ANO1: variants seen among roughly 807,000 people sequenced by gnomAD.
ANO1 encodes the protein anoctamin-1.
In ANO1, 59 loss-of-function variants were observed where a neutral mutation model predicts 124.0. That is an observed-to-expected ratio of 0.48 (90% CI 0.39 to 0.59). ANO1 has a LOEUF of 0.59. ANO1 is among the 20% of genes least tolerant of loss of function. The probability of loss-of-function intolerance (pLI) is 0.00; values close to 1 mark genes in which losing one functional copy is unlikely to be tolerated. For missense variants in ANO1, 1,059 were observed against 1,328.0 expected, an observed-to-expected ratio of 0.80 and a Z score of 3.15; for synonymous variants, 529 against 532.0, an observed-to-expected ratio of 0.99 and a Z score of 0.08.
intron 22 of ANO1, among the ~76,000 whole-genome samples, chr11:70,177,591 T>C (rs1590933096): frequency 7.8e-6 from 1 of 127,792 alleles, no homozygotes; most frequent in Non-Finnish European, 1.6e-5. Flanking sequence ...TTCTTTTTTT[T>C]TTCTTTTTTT....
At chr11:70,046,348 C>CT (rs1555005638) in intron 1 of ANO1, among the ~76,000 whole-genome samples, 4 of 152,168 alleles carry the variant, frequency 2.6e-5, no homozygotes, top group African/African-American at 9.7e-5. Flanking sequence ...GACTTCACGC[C>CT]TGGGGGTGGG....
chr11:70,185,194 G>A (rs1463451958), intron 24 of ANO1, among the ~76,000 whole-genome samples: 1 of 152,208 alleles, frequency 6.6e-6, no homozygotes, highest in Non-Finnish European at 1.5e-5. Context: ...AGTAGGCTCT[G>A]CACTCTTGGG....
At position 70,170,970 on chromosome 11, in the gene ANO1, A is replaced by G. The variant is rs2048444861; in HGVS notation, c.2281A>G (p.Ile761Val). The G allele has an allele frequency of 6.2e-7, 1 of 1,613,246 alleles. No individual in the cohort carries two copies. The highest frequency in any genetic ancestry group is 8.5e-7 in the Non-Finnish European group (1 of 1,179,636). Residue 761 changes from isoleucine to valine, a missense_variant, in exon 22 of 26, where the codon ATC becomes GTC. By Grantham distance (29) the Ile-to-Val change is conservative. Around this residue, in one of 2 missense-constraint regions of ANO1, gnomAD observed 809 missense variants for 1,094.9 expected, o/e 0.74. Coordinates refer to ENST00000355303, the MANE Select transcript of ANO1 (RefSeq NM_018043.7). Reference protein sequence around the residue: ...LFALLNNIIEIRLDAKKFVTE... With the variant: ...LFALLNNIIEVRLDAKKFVTE... Reference sequence around the variant, plus strand: ...TGCGCTGCTGAACAACATCATCGAGATCCGCCTGGACGCCAAAAAGTTTGT... The same window carrying G: ...TGCGCTGCTGAACAACATCATCGAGGTCCGCCTGGACGCCAAAAAGTTTGT...
At chr11:70,182,787 A>G in intron 24 of ANO1, 101 bp downstream of exon 24, 2 of 1,086,758 alleles carry the variant, frequency 1.8e-6, no homozygotes, top group East Asian at 6.1e-5. Flanking sequence ...TCATGAAACA[A>G]CGCAAACTTG....
the ANO1 span, among the ~76,000 whole-genome samples, chr11:69,980,539 T>A: frequency 6.6e-6 from 1 of 151,610 alleles, no homozygotes; most frequent in Non-Finnish European, 1.5e-5. Context: ...GAGAATGGCG[T>A]GAACCCAGGA....
chr11:70,140,626 C>T (rs2509122), intron 11 of ANO1, among the ~76,000 whole-genome samples: 20,190 of 152,018 alleles, frequency 0.13, 1,486 homozygotes, highest in African/African-American at 0.18. Context: ...AGAGGAGGAC[C>T]GTGCCTACCC....
Position 70,188,031 on chromosome 11 carries a change from G to A in ANO1, c.*27G>A. 6.5e-7 allele frequency: 1 copy of A among 1,542,800 alleles called. No homozygotes were observed. Among genetic ancestry groups the A allele is most frequent in the Non-Finnish European group, 8.7e-7 (1 of 1,144,564 alleles). On this transcript the variant is annotated 3_prime_UTR_variant, in exon 26 of 26. Transcript: ENST00000355303. ...TATGCCAGCGGGGCTGGGCAGGCCA[G>A]CCGGGCATCCTGACCGATGGGCACC...
chr11:70,125,613 AGG>A (rs1206835131), intron 9 of ANO1, among the ~76,000 whole-genome samples: 1 of 151,742 alleles, frequency 6.6e-6, no homozygotes, highest in African/African-American at 2.4e-5. Context: ...GGGAGGCCGA[AGG>A]GGGCGGATCA....
intron 20 of ANO1, 121 bp downstream of exon 20, chr11:70,165,691 A>T: frequency 1.3e-6 from 1 of 781,198 alleles, no homozygotes. Flanking sequence ...CACTAGAAGC[A>T]GGGAGAGAAG....
intron 1 of ANO1, among the ~76,000 whole-genome samples, chr11:70,063,051 T>C (rs1449933462): frequency 6.6e-6 from 1 of 152,068 alleles, no homozygotes; most frequent in Admixed American, 6.6e-5. Context: ...TCCCTCAGCC[T>C]CTTGAGTAGC....
intron 1 of ANO1, among the ~76,000 whole-genome samples, chr11:70,028,330 G>C (rs1322976842): frequency 6.6e-6 from 1 of 152,152 alleles, no homozygotes; most frequent in African/African-American, 2.4e-5. Context: ...GTAAGGGCAG[G>C]TGCCTGTGCA....
intron 1 of ANO1, among the ~76,000 whole-genome samples, chr11:70,045,068 G>C (rs1857238465): frequency 6.6e-6 from 1 of 152,146 alleles, no homozygotes; most frequent in African/African-American, 2.4e-5. Flanking sequence ...ACTAGAAATG[G>C]GGATATGAGA....
intron 1 of ANO1, among the ~76,000 whole-genome samples, chr11:69,988,370 C>T (rs553870401): frequency 5.9e-5 from 9 of 152,318 alleles, no homozygotes; most frequent in African/African-American, 2.2e-4. Flanking sequence ...CCTGTGCCCT[C>T]GGCCAACTTA....
chr11:70,164,048 T>C (rs1172414852), intron 19 of ANO1, among the ~76,000 whole-genome samples: 1 of 152,062 alleles, frequency 6.6e-6, no homozygotes, highest in African/African-American at 2.4e-5. Flanking sequence ...ACCATGCTGG[T>C]GGCATGTGCT....
At chr11:69,982,590 C>A (rs947046695), upstream of ANO1, among the ~76,000 whole-genome samples, 1 of 152,186 alleles carries the variant, frequency 6.6e-6, no homozygotes, top group Admixed American at 6.5e-5. Flanking sequence ...TTGTCCTATC[C>A]CTACAGAATT....
chr11:69,976,668 C>T, the ANO1 span, among the ~76,000 whole-genome samples: 198 of 150,768 alleles, frequency 1.3e-3, no homozygotes, highest in African/African-American at 4.7e-3. Flanking sequence ...CAGGAGGAAC[C>T]AGCCCTGCGA....
At chr11:70,027,856 G>A (rs1555003385) in intron 1 of ANO1, among the ~76,000 whole-genome samples, 2 of 152,160 alleles carry the variant, frequency 1.3e-5, no homozygotes, top group Admixed American at 6.5e-5. Context: ...CTGCCACCAC[G>A]GAGGCGCATC....
intron 11 of ANO1, among the ~76,000 whole-genome samples, chr11:70,134,324 C>G (rs2046872334): frequency 1.3e-5 from 2 of 152,174 alleles, no homozygotes; most frequent in African/African-American, 4.8e-5. Context: ...TAGCACTGAG[C>G]CCCCTGAGCC....
rs1029627702 is a variant in ANO1, at chr11:70,110,785, C to T, written c.800-922C>T. The stretch of plus-strand genomic sequence containing the variant: ...GCAAAGGGCCCCATGGAAACGCCCC[C>T]GCCTGGCTGGGCCCCCACGATGTAT... On this transcript the variant is annotated intron_variant, in intron 6 of 25. Coordinates refer to ENST00000355303, the MANE Select transcript of ANO1 (RefSeq NM_018043.7). Among the ~76,000 whole-genome samples, 14 of 152,340 alleles carry T rather than the reference C, an allele frequency of 9.2e-5. No homozygotes were observed. In the East Asian group the frequency reaches 2.1e-3, roughly 23 times the overall value.
Sources: allele counts gnomAD v4.1 joint callset (sites outside exome capture counted in the v4.1 genomes callset), GRCh38; gene constraint gnomAD v4.1.1; regional missense constraint gnomAD v4.1.1; transcripts MANE v1.5; gene names NCBI Gene and HGNC (gene_info 2026-07-23, HGNC 2026-07-21).